The following BAHCC1 variants were observed in gnomAD, a reference collection of about 807,000 sequenced individuals.
BAHCC1 encodes the protein BAH and coiled-coil domain-containing protein 1.
A neutral mutation model predicts 88.2 loss-of-function variants in BAHCC1; 43 were observed. The ratio of observed to expected loss-of-function variants is 0.49; its 90% CI spans 0.38 to 0.63. The LOEUF is 0.63. BAHCC1 is among the 20% of genes least tolerant of loss of function. The pLI is 0.00. For missense variants in BAHCC1, 3,023 were observed against 1,654.8 expected (o/e 1.83, Z -14.34); for synonymous variants, 1,510 against 745.5 (o/e 2.03, Z -16.71).
chr17:81,449,076 G>A (rs1367123961), intron 11 of BAHCC1, among the ~76,000 whole-genome samples: 1 of 152,222 alleles, frequency 6.6e-6, no homozygotes, highest in Non-Finnish European at 1.5e-5. Context: ...GTCTGCCTGT[G>A]TGAATGCCTG....
At chr17:81,438,279 G>A in intron 3 of BAHCC1, 91 bp from the exon 4 acceptor site, 3 of 739,216 alleles carry the variant, frequency 4.1e-6, no homozygotes, top group Admixed American at 3.7e-5. Flanking sequence ...CTCCTGGGCT[G>A]CCTGCCGGCT....
intron 2 of BAHCC1, among the ~76,000 whole-genome samples, chr17:81,425,657 T>TG (rs2064179827): frequency 6.9e-6 from 1 of 145,672 alleles, no homozygotes; most frequent in African/African-American, 2.6e-5. Flanking sequence ...TTGGTGGTGA[T>TG]GTGGTTGGTG....
rs1555645369 is a variant in BAHCC1, at chr17:81,399,045, G to A, written c.-206-489G>A. 1 of 167,880 alleles carries A rather than the reference G, an allele frequency of 6.0e-6. No individual in the cohort carries two copies. The highest frequency in any genetic ancestry group is 1.3e-5 in the Non-Finnish European group (1 of 74,184). The allele number at this position is 167,880 out of a possible 1,614,324, so 10.4% of individuals were successfully genotyped here. A position where few individuals can be genotyped will look rare whatever the true frequency, so the allele number is the denominator to read the frequency against. On this transcript the variant is annotated intron_variant, in intron 1 of 27. Transcript: ENST00000675386. This position sits in a 1 kb window ranked among gnomAD's most constrained non-coding sequence, Gnocchi z 4.5. ...GCTGGACCTCGGCATGAGGTGGGGA[G>A]AGGGGGAGAGCTAGTGTGGACCCCA...
In BAHCC1 at chr17:81,461,783, G is replaced by C. The variant is rs782256549; in HGVS notation, c.7120G>C (p.Glu2374Gln). 1.4e-6 allele frequency: 1 copy of C among 715,962 alleles called. No individual in the cohort carries two copies. The highest frequency in any genetic ancestry group is 1.7e-5 in the African/African-American group (1 of 57,244). 44.4% of individuals were successfully genotyped at this position (715,962 alleles called of 1,614,324 possible). A position where few individuals can be genotyped will look rare whatever the true frequency, so the allele number is the denominator to read the frequency against. The change falls in exon 26 of 28, where the codon GAG becomes CAG. Residue 2374 changes from glutamate to glutamine, a missense_variant. Glu to Gln is a conservative substitution (Grantham distance 29). Transcript: ENST00000675386. The stretch of plus-strand genomic sequence containing the variant: ...CGTGCCCACCCTCCTGGCCCAGCCC[G>C]AGGCCCTGCGCTCCAAGGGCAGCGG... ...HPVPTLLAQPEALRSKGSGPH... is the reference protein window; with the variant it reads ...HPVPTLLAQPQALRSKGSGPH...
At chr17:81,408,870 C>T (rs2143243742) in intron 2 of BAHCC1, among the ~76,000 whole-genome samples, 1 of 152,324 alleles carries the variant, frequency 6.6e-6, no homozygotes, top group African/African-American at 2.4e-5. Flanking sequence ...AAATGTCCTT[C>T]TGTCCCTTCC....
chr17:81,451,878 G>A lies in BAHCC1; in HGVS notation c.4179+8G>A. The A allele has an allele frequency of 1.4e-6, 1 of 724,878 alleles. No homozygotes were observed. Among genetic ancestry groups the A allele is most frequent in the Non-Finnish European group, 2.5e-6 (1 of 396,322 alleles). 44.9% of individuals were successfully genotyped at this position (724,878 alleles called of 1,614,324 possible). A position where few individuals can be genotyped will look rare whatever the true frequency, so the allele number is the denominator to read the frequency against. ...ACCCCCAAGACCAAGCCTGTGAGTG[G>A]AGGTCCCAGTGCCCACGTCGCCCAG... On this transcript the variant is annotated splice_region_variant and intron_variant, in intron 12 of 27. Coordinates refer to ENST00000675386, the MANE Select transcript of BAHCC1 (RefSeq NM_001377448.1).
rs782028636 is a variant in BAHCC1, at chr17:81,452,715, G to GC, written c.4317-3dup. On this transcript the variant is annotated splice_region_variant and splice_polypyrimidine_tract_variant and intron_variant, in intron 13 of 27. Transcript: ENST00000675386. ...TGAGCCTCTGACCATCCCCCCTGCG[G>GC]CCCCCAGGAGAGACGAGAGTTCACG... 1 of 746,108 alleles carries GC rather than the reference G, an allele frequency of 1.3e-6. No homozygotes were observed. The highest frequency in any genetic ancestry group is 2.5e-6 in the Non-Finnish European group (1 of 404,468). 46.2% of individuals were successfully genotyped at this position (746,108 alleles called of 1,614,324 possible).
At chr17:81,407,576 C>T (rs1555647126) in intron 2 of BAHCC1, among the ~76,000 whole-genome samples, 1 of 152,204 alleles carries the variant, frequency 6.6e-6, no homozygotes, top group African/African-American at 2.4e-5. Context: ...ATGGGGGTGC[C>T]ATGGTGGGTG....
chr17:81,462,641 C>A, intron 26 of BAHCC1, 99 bp from the exon 27 acceptor site: 1 of 657,570 alleles, frequency 1.5e-6, no homozygotes, highest in Non-Finnish European at 2.7e-6. Flanking sequence ...CACTCAGACT[C>A]ACACTCACAC....
Position 81,399,865 on chromosome 17 carries a change from C to T in BAHCC1, c.126C>T (p.His42=), listed in dbSNP as rs782547841. 15 of 1,450,768 alleles carry T rather than the reference C, an allele frequency of 1.0e-5. No individual in the cohort carries two copies. The East Asian group carries it at 3.4e-4, about 32-fold the overall frequency. The allele number at this position is 1,450,768 out of a possible 1,614,324, so 89.9% of individuals were successfully genotyped here. The change falls in exon 2 of 28, where the codon CAC becomes CAT. Residue 42 remains histidine (H), a synonymous_variant. Coordinates refer to ENST00000675386, the MANE Select transcript of BAHCC1 (RefSeq NM_001377448.1). This position sits in a 1 kb window ranked among gnomAD's most constrained non-coding sequence, Gnocchi z 4.5. ...GGCCCGCCGCGCAGCCCCCCGCACA[C>T]TTCCAGCCGGGAAAGTACTTCCCGT... ...PAGPAAQPPA[H]FQPGKYFPSP... is the part of the protein sequence containing the mutation.
Position 81,451,524 on chromosome 17 carries a change from G to A in BAHCC1, c.3977-144G>A, listed in dbSNP as rs979032250. On this transcript the variant is annotated intron_variant, in intron 11 of 27. Transcript: ENST00000675386. Reference sequence around the variant, plus strand: ...AGGGGTGCTGGGTGTCAGCCCTGGTGCCCACCTCACTCTTCCCGGTCTCCT... The same window carrying A: ...AGGGGTGCTGGGTGTCAGCCCTGGTACCCACCTCACTCTTCCCGGTCTCCT... 4.8e-5 allele frequency: 29 copies of A among 603,860 alleles called. No individual in the cohort carries two copies. In the Middle Eastern group the frequency reaches 1.4e-3, roughly 30 times the overall value. The allele number at this position is 603,860 out of a possible 1,614,324, so 37.4% of individuals were successfully genotyped here. A position where few individuals can be genotyped will look rare whatever the true frequency, so the allele number is the denominator to read the frequency against.
chr17:81,451,837 G>C lies in BAHCC1; in HGVS notation c.4146G>C (p.Gln1382His). 1.3e-6 allele frequency: 1 copy of C among 753,232 alleles called. No homozygotes were observed. Among genetic ancestry groups the C allele is most frequent in the Non-Finnish European group, 2.4e-6 (1 of 412,492 alleles). The allele number at this position is 753,232 out of a possible 1,614,324, so 46.7% of individuals were successfully genotyped here. A position where few individuals can be genotyped will look rare whatever the true frequency, so the allele number is the denominator to read the frequency against. Reference protein sequence around the residue: ...PRLTPRMQILQRKDTWTPKTK... With the variant: ...PRLTPRMQILHRKDTWTPKTK... ...TCACCCCCCGCATGCAGATCCTGCA[G>C]CGCAAGGACACCTGGACCCCCAAGA... Residue 1382 changes from glutamine to histidine, a missense_variant, in exon 12 of 28, where the codon CAG becomes CAC. Physicochemically the swap from Gln to His is conservative, Grantham distance 24. Transcript: ENST00000675386.
rs1343142492 is a variant in BAHCC1 at position 81,465,671 on chromosome 17, CCCT to C, written c.*1855_*1857del. ...ACCCCAATCCCAGGTCCCCTTGGCCCCCTATTTTTCTCGGGCCCATTGGGGCCT... is the reference window on the plus strand; with the variant it reads ...ACCCCAATCCCAGGTCCCCTTGGCCCATTTTTCTCGGGCCCATTGGGGCCT... On this transcript the variant is annotated 3_prime_UTR_variant, in exon 28 of 28. Transcript: ENST00000675386. 1 of 152,310 alleles carries C rather than the reference CCCT, an allele frequency of 6.6e-6. No individual in the cohort carries two copies. The highest frequency in any genetic ancestry group is 2.4e-5 in the African/African-American group (1 of 41,468). The allele number at this position is 152,310 out of a possible 1,614,324, so 9.4% of individuals were successfully genotyped here.
At position 81,441,856 on chromosome 17, in the gene BAHCC1, G is replaced by A. The variant is rs782515354; in HGVS notation, c.507G>A (p.Pro169=). ...QKDNFYLRNL[P]PQPTLLPANH... is the part of the protein sequence containing the mutation. ...ATAACTTCTACCTGCGCAACCTGCC[G>A]CCCCAGCCCACGCTGCTGCCGGCCA... is the stretch of plus-strand genomic sequence containing the variant. Residue 169 remains proline, a synonymous_variant, in exon 5 of 28, where the codon CCG becomes CCA. Transcript: ENST00000675386. The A allele has an allele frequency of 1.5e-5, 10 of 659,278 alleles. No homozygotes were observed. Among genetic ancestry groups the A allele is most frequent in the South Asian group, 3.5e-5 (2 of 56,620 alleles). The allele number at this position is 659,278 out of a possible 1,614,324, so 40.8% of individuals were successfully genotyped here. A position where few individuals can be genotyped will look rare whatever the true frequency, so the allele number is the denominator to read the frequency against.
At chr17:81,397,989 G>A (rs1439092569) in intron 1 of BAHCC1, among the ~76,000 whole-genome samples, 1 of 152,186 alleles carries the variant, frequency 6.6e-6, no homozygotes, top group Non-Finnish European at 1.5e-5. Flanking sequence ...CAAATAAGAC[G>A]TTTTAGAACC....
chr17:81,410,419 C>T (rs1304175717), intron 2 of BAHCC1, among the ~76,000 whole-genome samples: 2 of 152,238 alleles, frequency 1.3e-5, no homozygotes, highest in African/African-American at 2.4e-5. Flanking sequence ...AAACCTGGGC[C>T]CTTGGCTCCT....
chr17:81,458,474 T>G lies in BAHCC1; in HGVS notation c.5343+8T>G, dbSNP rs375527422. ...CTGCAGCCAGTGCTGCGGGTGAGGC[T>G]GGGCTCTGGGGTGCTGGGCGGAGAG... is the stretch of plus-strand genomic sequence containing the variant. On this transcript the variant is annotated splice_region_variant and intron_variant, in intron 18 of 27. Coordinates refer to ENST00000675386, the MANE Select transcript of BAHCC1 (RefSeq NM_001377448.1). 6 of 700,190 alleles carry G rather than the reference T, an allele frequency of 8.6e-6. No homozygotes were observed. In the African/African-American group the frequency reaches 8.7e-5, roughly 10 times the overall value. 43.4% of individuals were successfully genotyped at this position (700,190 alleles called of 1,614,324 possible).
chr17:81,453,381 C>A (rs1555656397), intron 14 of BAHCC1, among the ~76,000 whole-genome samples: 1 of 152,392 alleles, frequency 6.6e-6, no homozygotes, highest in East Asian at 1.9e-4. Context: ...CCTCCGAGCT[C>A]CTCCAAACAC....
At chr17:81,462,713 G>A (rs782199984) in intron 26 of BAHCC1, 27 bp from the exon 27 acceptor site, 1 of 728,750 alleles carries the variant, frequency 1.4e-6, no homozygotes, top group South Asian at 1.5e-5. Flanking sequence ...CGGCCTCTCA[G>A]AGCCACCCTG....
Sources: allele counts gnomAD v4.1 joint callset (sites outside exome capture counted in the v4.1 genomes callset), GRCh38; gene constraint gnomAD v4.1.1; non-coding constraint Gnocchi (gnomAD v3.1); transcripts MANE v1.5; gene names NCBI Gene and HGNC (gene_info 2026-07-23, HGNC 2026-07-21).